Variants in STK3 observed in about 807,000 individuals in gnomAD.
The protein encoded by STK3 is serine/threonine kinase 3, also known as serine/threonine-protein kinase 3.
Under a neutral mutation model 58.0 loss-of-function variants are expected in STK3, and 41 were observed. The observed-to-expected ratio is 0.71, with a 90% confidence interval of 0.55 to 0.92. STK3 has a LOEUF of 0.92. Ranked by LOEUF, STK3 falls within the 40% of genes least tolerant of loss-of-function variation. STK3 has a pLI of 0.00. For synonymous variants in STK3, 170 were observed against 191.0 expected, an observed-to-expected ratio of 0.89 and a Z score of 0.91; for missense variants, 479 against 602.7, an observed-to-expected ratio of 0.79 and a Z score of 2.15.
At chr8:98,359,212 A>G in the STK3 span, among the ~76,000 whole-genome samples, 1 of 152,056 alleles carries the variant, frequency 6.6e-6, no homozygotes, top group Non-Finnish European at 1.5e-5. Context: ...GAAGTGATGA[A>G]AAGGAGAAAT....
At chr8:98,359,719 A>G in the STK3 span, among the ~76,000 whole-genome samples, 1 of 152,244 alleles carries the variant, frequency 6.6e-6, no homozygotes, top group East Asian at 1.9e-4. Flanking sequence ...TGATCTGCTT[A>G]GAATCTTTCA....
exon 2 of STK3, chr8:98,437,142 T>C (rs778039172): frequency 2.6e-5 from 4 of 152,336 alleles, no homozygotes; most frequent in Non-Finnish European, 4.4e-5. Context: ...CTGTTGAATA[T>C]AACCGCAGAT....
intron 1 of STK3, among the ~76,000 whole-genome samples, chr8:98,822,022 A>C (rs1834935739): frequency 6.6e-6 from 1 of 152,170 alleles, no homozygotes; most frequent in Admixed American, 6.6e-5. Context: ...ATATGTGTAC[A>C]TACATACATA....
intron 4 of STK3, among the ~76,000 whole-genome samples, chr8:98,717,048 A>G (rs1001070813): frequency 1.3e-5 from 2 of 152,110 alleles, no homozygotes; most frequent in African/African-American, 4.8e-5. Flanking sequence ...TAAACATAAG[A>G]CCTAAAACTA....
chr8:98,404,284 C>T (rs1051756172), intron 3 of STK3, among the ~76,000 whole-genome samples: 4 of 152,190 alleles, frequency 2.6e-5, no homozygotes, highest in Admixed American at 1.3e-4. Context: ...TGCCTGTAAT[C>T]TCAGCACTTT....
chr8:98,416,669 T>G (rs1225313550), intron 3 of STK3, among the ~76,000 whole-genome samples: 1 of 152,210 alleles, frequency 6.6e-6, no homozygotes, highest in Non-Finnish European at 1.5e-5. Flanking sequence ...CCTCCGTCAT[T>G]TTAGCAAGAT....
chr8:98,786,254 A>G lies in STK3; in HGVS notation c.27-11435T>C, dbSNP rs528986741. On this transcript the variant is annotated intron_variant, in intron 1 of 10. Coordinates refer to ENST00000419617, the MANE Select transcript of STK3 (RefSeq NM_006281.4). ...ATCAATAGACTGGACCAAGCAAAAGAAAGAATTTCAGGCCAGGCATGGTGG... is the reference window on the plus strand; with the variant it reads ...ATCAATAGACTGGACCAAGCAAAAGGAAGAATTTCAGGCCAGGCATGGTGG... 1.6e-3 allele frequency among the ~76,000 whole-genome samples: 243 copies of G among 152,338 alleles called. 1 individual carries two copies. The highest frequency in any genetic ancestry group is 5.3e-3 in the African/African-American group (220 of 41,590).
intron 6 of STK3, among the ~76,000 whole-genome samples, chr8:98,634,298 G>A (rs1244856633): frequency 6.6e-6 from 1 of 152,046 alleles, no homozygotes; most frequent in Non-Finnish European, 1.5e-5. Flanking sequence ...AACAGCCTGG[G>A]CAACATGGTG....
At chr8:98,646,925 C>A (rs1224419252) in intron 6 of STK3, among the ~76,000 whole-genome samples, 1 of 152,134 alleles carries the variant, frequency 6.6e-6, no homozygotes, top group Non-Finnish European at 1.5e-5. Context: ...GCCCACCCCG[C>A]CCCCACAATC....
intron 10 of STK3, among the ~76,000 whole-genome samples, chr8:98,461,120 T>A (rs1819937156): frequency 1.3e-5 from 2 of 152,200 alleles, no homozygotes; most frequent in Admixed American, 1.3e-4. Flanking sequence ...GTTGCACCTA[T>A]CTCTTTTCTT....
exon 2 of STK3, chr8:98,883,768 A>G: frequency 1.4e-6 from 1 of 702,734 alleles, no homozygotes; most frequent in Non-Finnish European, 2.6e-6. Flanking sequence ...TCCTCCACTG[A>G]AGAGTCTAGC....
intron 10 of STK3, among the ~76,000 whole-genome samples, chr8:98,511,124 C>T (rs568469099): frequency 6.6e-6 from 1 of 151,920 alleles, no homozygotes; most frequent in South Asian, 2.1e-4. Flanking sequence ...ATGTGTATAC[C>T]TTATTAATAT....
At chr8:98,405,510 CTG>C (rs1263105586) in intron 3 of STK3, among the ~76,000 whole-genome samples, 3 of 152,140 alleles carry the variant, frequency 2.0e-5, no homozygotes, top group Admixed American at 6.5e-5. Flanking sequence ...AACTCAATCA[CTG>C]TGCGTGGAAT....
intron 1 of STK3, among the ~76,000 whole-genome samples, chr8:98,927,632 G>C (rs1839849598): frequency 6.6e-6 from 1 of 152,212 alleles, no homozygotes; most frequent in African/African-American, 2.4e-5. Flanking sequence ...AGCAAAGATA[G>C]AGTAACTTGT....
Position 98,585,577 on chromosome 8 carries a change from G to A in STK3, c.823-5788C>T, listed in dbSNP as rs879775937. 2.8e-3 allele frequency among the ~76,000 whole-genome samples: 397 copies of A among 140,940 alleles called. 8 individuals carry two copies. The highest frequency in any genetic ancestry group is 3.7e-3 in the Middle Eastern group (1 of 272). 92.5% of individuals were successfully genotyped at this position (140,940 alleles called of 152,430 possible). ...TGGCTTAGGATTGACTTGGCGATGC[G>A]GGCTCTTTTTTGGTTCCATATGAAC... On this transcript the variant is annotated intron_variant, in intron 7 of 10. Transcript: ENST00000419617.
chr8:98,816,330 A>G (rs1834538665), intron 1 of STK3, among the ~76,000 whole-genome samples: 1 of 152,142 alleles, frequency 6.6e-6, no homozygotes, highest in South Asian at 2.1e-4. Context: ...CCTAAGCAAC[A>G]TGGCAAGACC....
At chr8:98,834,114 A>G (rs1312825813) in intron 3 of STK3, among the ~76,000 whole-genome samples, 2 of 152,240 alleles carry the variant, frequency 1.3e-5, no homozygotes, top group Non-Finnish European at 2.9e-5. Context: ...TATTGCCACA[A>G]GTAGCTATAA....
chr8:98,386,086 G>A (rs775179188), intron 1 of STK3, among the ~76,000 whole-genome samples: 3 of 152,206 alleles, frequency 2.0e-5, no homozygotes, highest in Non-Finnish European at 2.9e-5. Context: ...TAGGTAGGCA[G>A]TGGGGAAGCA....
At chr8:98,851,645 G>C (rs529890945) in intron 3 of STK3, among the ~76,000 whole-genome samples, 2 of 152,268 alleles carry the variant, frequency 1.3e-5, no homozygotes, top group South Asian at 4.1e-4. Flanking sequence ...AGAAGGATGA[G>C]GAAAGGAGGG....
Sources: allele counts gnomAD v4.1 joint callset (sites outside exome capture counted in the v4.1 genomes callset), GRCh38; gene constraint gnomAD v4.1.1; transcripts MANE v1.5; gene names NCBI Gene and HGNC (gene_info 2026-07-23, HGNC 2026-07-21).